Variants in TENM2 observed in about 807,000 individuals in gnomAD.
TENM2 encodes teneurin-2.
In TENM2, 52 loss-of-function variants were observed where a neutral mutation model predicts 245.2. The observed-to-expected ratio is 0.21, with a 90% CI of 0.17 to 0.27. The LOEUF (loss-of-function observed/expected upper bound fraction) is 0.27. Ranked by LOEUF, TENM2 falls within the 10% of genes least tolerant of loss-of-function variation. The pLI is 1.00. For synonymous variants in TENM2, 1,363 were observed against 1,438.9 expected (o/e 0.95, Z 1.19); for missense variants, 3,046 against 3,666.8 (o/e 0.83, Z 4.37).
chr5:167,468,792 C>A (rs2127505603), intron 2 of TENM2, among the ~76,000 whole-genome samples: 1 of 152,194 alleles, frequency 6.6e-6, no homozygotes, highest in South Asian at 2.1e-4. Flanking sequence ...CTGTATGTAT[C>A]CCAGCTTTTT....
At chr5:167,921,836 A>T (rs1777393858) in intron 3 of TENM2, among the ~76,000 whole-genome samples, 1 of 152,214 alleles carries the variant, frequency 6.6e-6, no homozygotes, top group Non-Finnish European at 1.5e-5. Flanking sequence ...CTTCATGAAG[A>T]CAGCCCTGTG....
At chr5:167,655,683 T>C (rs1754794291) in intron 2 of TENM2, among the ~76,000 whole-genome samples, 1 of 152,204 alleles carries the variant, frequency 6.6e-6, no homozygotes, top group East Asian at 1.9e-4. Context: ...TGGTAGGAAA[T>C]AATATTTGGT....
At chr5:167,353,398 A>C (rs978355714) in intron 1 of TENM2, among the ~76,000 whole-genome samples, 3 of 151,790 alleles carry the variant, frequency 2.0e-5, no homozygotes, top group African/African-American at 7.3e-5. Flanking sequence ...AAAAATACAC[A>C]AATTTTTACA....
chr5:167,745,753 CA>C (rs1268023124), intron 2 of TENM2, among the ~76,000 whole-genome samples: 2 of 152,268 alleles, frequency 1.3e-5, no homozygotes, highest in Admixed American at 1.3e-4. Context: ...CATTGCTTAT[CA>C]ATGGGCTTAT....
At chr5:167,818,000 A>C (rs1445931623) in intron 2 of TENM2, among the ~76,000 whole-genome samples, 1 of 152,176 alleles carries the variant, frequency 6.6e-6, no homozygotes, top group Non-Finnish European at 1.5e-5. Context: ...AGAAGGATGA[A>C]GATTCTAGAG....
At chr5:167,011,211 C>T in the TENM2 span, among the ~76,000 whole-genome samples, 1 of 152,174 alleles carries the variant, frequency 6.6e-6, no homozygotes, top group Admixed American at 6.5e-5. Context: ...AAATGGTTAA[C>T]ACCAATTGTC....
At chr5:167,015,384 T>G in the TENM2 span, among the ~76,000 whole-genome samples, 1 of 152,200 alleles carries the variant, frequency 6.6e-6, no homozygotes, top group Admixed American at 6.5e-5. Flanking sequence ...CCTAATGATA[T>G]TTTAGCCTGC....
intron 2 of TENM2, among the ~76,000 whole-genome samples, chr5:167,747,231 G>C (rs983527288): frequency 6.6e-6 from 1 of 152,098 alleles, no homozygotes; most frequent in African/African-American, 2.4e-5. Context: ...GTGGGCAAGT[G>C]ATATATCCTG....
At chr5:168,237,700 T>A (rs963458101) in intron 25 of TENM2, among the ~76,000 whole-genome samples, 2 of 152,056 alleles carry the variant, frequency 1.3e-5, no homozygotes, top group Non-Finnish European at 2.9e-5. Flanking sequence ...TTGCAGAGGC[T>A]TACCCTTCTA....
chr5:168,260,236 C>G (rs756968208), intron 27 of TENM2, 47 bp from the exon 30 acceptor site: 1 of 1,608,594 alleles, frequency 6.2e-7, no homozygotes, highest in Non-Finnish European at 8.5e-7. Context: ...CTGCTGCTCT[C>G]CATCCATCAT....
chr5:168,154,944 A>G (rs1044817867), intron 12 of TENM2, among the ~76,000 whole-genome samples: 1 of 152,208 alleles, frequency 6.6e-6, no homozygotes, highest in Non-Finnish European at 1.5e-5. Flanking sequence ...CTAACAAAGC[A>G]GAGTCAGCTG....
rs544129022 is a variant in TENM2, at chr5:167,624,206, G to C, written c.502+248733G>C. On this transcript the variant is annotated intron_variant, in intron 2 of 28. Coordinates refer to ENST00000518659, the Ensembl canonical transcript of TENM2. ...ATGGCGGATTGGGTAAAGAAACTGT[G>C]GAACATATATACCATGGAATAGTAC... Among the ~76,000 whole-genome samples the C allele has an allele frequency of 3.0e-4, 46 of 152,194 alleles. 1 individual carries two copies. The South Asian group carries it at 9.6e-3, about 32-fold the overall frequency.
chr5:168,164,015 A>G (rs1453754990), intron 13 of TENM2, among the ~76,000 whole-genome samples: 1 of 152,158 alleles, frequency 6.6e-6, no homozygotes, highest in Non-Finnish European at 1.5e-5. Context: ...TGGTATGAGG[A>G]GCATGAGAAT....
intron 25 of TENM2, among the ~76,000 whole-genome samples, chr5:168,243,487 T>C (rs1254854074): frequency 1.3e-5 from 2 of 152,174 alleles, no homozygotes; most frequent in Admixed American, 6.5e-5. Flanking sequence ...GAAGTTCACA[T>C]AGGAATGAGG....
At chr5:167,576,847 A>C (rs1774725237) in intron 2 of TENM2, among the ~76,000 whole-genome samples, 1 of 152,198 alleles carries the variant, frequency 6.6e-6, no homozygotes, top group Admixed American at 6.5e-5. Flanking sequence ...TCTACCCGTA[A>C]AAAACAATCG....
intron 3 of TENM2, among the ~76,000 whole-genome samples, chr5:167,898,113 A>G (rs1775375653): frequency 6.6e-6 from 1 of 152,128 alleles, no homozygotes; most frequent in Admixed American, 6.5e-5. Flanking sequence ...ACTCAAACCT[A>G]ATGAAATGTG....
chr5:168,261,297 G>A (rs1212816896), intron 28 of TENM2, among the ~76,000 whole-genome samples: 3 of 152,194 alleles, frequency 2.0e-5, no homozygotes, highest in Non-Finnish European at 4.4e-5. Flanking sequence ...ATCCCCTGCA[G>A]AACCAGGGCG....
the TENM2 span, among the ~76,000 whole-genome samples, chr5:167,184,224 G>T: frequency 6.6e-6 from 1 of 152,172 alleles, no homozygotes; most frequent in Admixed American, 6.5e-5. Flanking sequence ...AGAGCATGAG[G>T]TGAGGAATTA....
intron 1 of TENM2, among the ~76,000 whole-genome samples, chr5:167,305,937 T>G (rs1755649565): frequency 6.6e-6 from 1 of 152,196 alleles, no homozygotes; most frequent in Non-Finnish European, 1.5e-5. Flanking sequence ...TGGGATTTCA[T>G]GGAGGATGTT....
Sources: gnomAD v4.1 joint callset for allele counts (sites outside exome capture counted in the v4.1 genomes callset) on GRCh38, gnomAD v4.1.1 for gene constraint, MANE v1.5 for transcripts, NCBI Gene and HGNC (gene_info 2026-07-23, HGNC 2026-07-21) for gene names.